Variants in TMTC2 observed in about 807,000 individuals in gnomAD.
The protein encoded by TMTC2 is transmembrane O-mannosyltransferase targeting cadherins 2.
Under a neutral mutation model 82.4 loss-of-function variants are expected in TMTC2, and 43 were observed. The ratio of observed to expected loss-of-function variants is 0.52; its 90% confidence interval spans 0.41 to 0.67. The LOEUF is 0.67. TMTC2 is among the 30% of genes least tolerant of loss of function. TMTC2 has a pLI of 0.00. For missense variants in TMTC2, 919 were observed against 1,012.4 expected, an observed-to-expected ratio of 0.91 and a Z score of 1.25; for synonymous variants, 408 against 381.9, an observed-to-expected ratio of 1.07 and a Z score of -0.80.
chr12:82,902,677 C>A (rs1201948090), intron 3 of TMTC2, among the ~76,000 whole-genome samples: 3 of 152,074 alleles, frequency 2.0e-5, no homozygotes. Flanking sequence ...TCTCTGGCTG[C>A]CAGTTTCTCT....
At chr12:82,766,219 C>T (rs1187251438) in intron 1 of TMTC2, among the ~76,000 whole-genome samples, 1 of 152,168 alleles carries the variant, frequency 6.6e-6, no homozygotes. Flanking sequence ...TTACTTGGCC[C>T]TCTCCTTCTC....
intron 1 of TMTC2, among the ~76,000 whole-genome samples, chr12:82,722,604 T>C (rs1874265141): frequency 7.0e-6 from 1 of 143,760 alleles, no homozygotes; most frequent in South Asian, 2.2e-4. Context: ...TAGCCGGGCA[T>C]GGTGGTGCAC....
chr12:82,968,356 GA>G (rs1282289281), intron 7 of TMTC2, among the ~76,000 whole-genome samples: 2 of 152,066 alleles, frequency 1.3e-5, no homozygotes, highest in African/African-American at 4.8e-5. Flanking sequence ...CTGTCTATAT[GA>G]ATAAAATATA....
intron 3 of TMTC2, among the ~76,000 whole-genome samples, chr12:82,918,521 A>G (rs1875155887): frequency 6.6e-6 from 1 of 152,196 alleles, no homozygotes; most frequent in South Asian, 2.1e-4. Flanking sequence ...TTTAAAATGA[A>G]TTATAGCTGA....
chr12:82,941,990 C>T (rs1371546277), intron 4 of TMTC2, among the ~76,000 whole-genome samples: 2 of 152,160 alleles, frequency 1.3e-5, no homozygotes, highest in African/African-American at 4.8e-5. Flanking sequence ...AAGTGATCCG[C>T]CTGCCTCAAT....
chr12:82,976,595 G>A (rs762589504), intron 7 of TMTC2, among the ~76,000 whole-genome samples: 25 of 151,848 alleles, frequency 1.6e-4, no homozygotes, highest in Admixed American at 4.6e-4. Flanking sequence ...TACTGTAGCC[G>A]CTAAAGGATT....
chr12:82,748,806 G>T (rs531464500), intron 1 of TMTC2, among the ~76,000 whole-genome samples: 106 of 152,282 alleles, frequency 7.0e-4, no homozygotes, highest in Admixed American at 5.6e-3. Flanking sequence ...GAACCTGGGA[G>T]GCAGAGGTTG....
intron 1 of TMTC2, among the ~76,000 whole-genome samples, chr12:82,800,241 ATATGAAATG>A (rs1878927544): frequency 6.6e-6 from 1 of 152,128 alleles, no homozygotes; most frequent in African/African-American, 2.4e-5. Context: ...GAGTGTGAGC[ATATGAAATG>A]ACAGCCAACA....
intron 2 of TMTC2, among the ~76,000 whole-genome samples, chr12:82,895,444 T>C (rs1458155437): frequency 6.6e-6 from 1 of 152,194 alleles, no homozygotes; most frequent in Non-Finnish European, 1.5e-5. Flanking sequence ...CTTTATCTTA[T>C]GCAGAGTGCT....
intron 11 of TMTC2, among the ~76,000 whole-genome samples, chr12:83,126,019 T>G (rs1885088497): frequency 6.6e-6 from 1 of 152,044 alleles, no homozygotes; most frequent in African/African-American, 2.4e-5. Context: ...TTTTAAAGAG[T>G]CTGCATTCCA....
chr12:82,900,559 G>A (rs950093716), intron 3 of TMTC2, among the ~76,000 whole-genome samples: 1 of 133,806 alleles, frequency 7.5e-6, no homozygotes, highest in African/African-American at 2.8e-5. Context: ...ATATAGATAT[G>A]TAGGAATGTA....
chr12:82,737,441 AGACTC>A (rs1875183335), intron 1 of TMTC2, among the ~76,000 whole-genome samples: 1 of 152,140 alleles, frequency 6.6e-6, no homozygotes, highest in Non-Finnish European at 1.5e-5. Context: ...CTGTCTTGTG[AGACTC>A]GACAGTTCTG....
rs1028835366 is a variant in TMTC2, at chr12:82,772,730, T to A, written c.84-84280T>A. Among the ~76,000 whole-genome samples, 43 of 152,200 alleles carry A rather than the reference T, an allele frequency of 2.8e-4. 1 individual carries two copies. Among genetic ancestry groups the A allele is most frequent in the Non-Finnish European group, 1.0e-4 (7 of 68,036 alleles). On this transcript the variant is annotated intron_variant, in intron 1 of 11. Transcript: ENST00000321196. ...CCTGAAATAAATTTAATTCTTTTTT[T>A]TCCCCTGGAACCAAAAGCTAAGCCA... is the stretch of plus-strand genomic sequence containing the variant.
chr12:82,919,648 A>T (rs1875261940), intron 3 of TMTC2, among the ~76,000 whole-genome samples: 1 of 152,326 alleles, frequency 6.6e-6, no homozygotes, highest in African/African-American at 2.4e-5. Context: ...TGAAACAGGC[A>T]TAGGGTAGGC....
intron 3 of TMTC2, among the ~76,000 whole-genome samples, chr12:82,912,757 G>GTGAAA (rs71068956): frequency 0.067 from 10,258 of 152,060 alleles, 408 homozygotes; most frequent in African/African-American, 0.089. Context: ...GGGCAACATG[G>GTGAAA]TGAAACCCTG....
rs554890540 is a variant in TMTC2, at chr12:82,943,749, A to G, written c.1598+13204A>G. Among the ~76,000 whole-genome samples the G allele has an allele frequency of 1.8e-3, 278 of 152,358 alleles. 1 individual carries two copies. The highest frequency in any genetic ancestry group is 6.4e-3 in the African/African-American group (267 of 41,578). On this transcript the variant is annotated intron_variant, in intron 4 of 11. Coordinates refer to ENST00000321196, the MANE Select transcript of TMTC2 (RefSeq NM_152588.3). ...AGTATATTTATAAATATGAATTTAC[A>G]TTTTGGAAATAAGGATCCATTAATT... is the stretch of plus-strand genomic sequence containing the variant.
chr12:82,859,230 G>A (rs1592580736), intron 2 of TMTC2, among the ~76,000 whole-genome samples: 2 of 152,174 alleles, frequency 1.3e-5, no homozygotes, highest in Admixed American at 6.5e-5. Context: ...ACCATGCTCA[G>A]CTAATTTTTG....
At chr12:82,933,678 G>A (rs190851840) in intron 4 of TMTC2, among the ~76,000 whole-genome samples, 4 of 152,142 alleles carry the variant, frequency 2.6e-5, no homozygotes, top group South Asian at 2.1e-4. Flanking sequence ...ATTAATTGGC[G>A]TGGAATACCT....
chr12:82,933,812 A>G (rs977515746), intron 4 of TMTC2, among the ~76,000 whole-genome samples: 3 of 130,102 alleles, frequency 2.3e-5, no homozygotes, highest in African/African-American at 8.9e-5. Context: ...GGAAAAATAG[A>G]AATGATCTTG....
Sources: gnomAD v4.1 joint callset for allele counts (sites outside exome capture counted in the v4.1 genomes callset) on GRCh38, gnomAD v4.1.1 for gene constraint, MANE v1.5 for transcripts, NCBI Gene and HGNC (gene_info 2026-07-23, HGNC 2026-07-21) for gene names.